Variants in NRG3 observed in about 807,000 individuals in gnomAD.
The protein encoded by NRG3 is pro-neuregulin-3, membrane-bound isoform.
A neutral mutation model predicts 66.9 loss-of-function variants in NRG3; 31 were observed. The observed-to-expected ratio is 0.46, with a 90% CI of 0.35 to 0.63. The LOEUF (loss-of-function observed/expected upper bound fraction) is 0.63. Ranked by LOEUF, NRG3 falls within the 20% of genes least tolerant of loss-of-function variation. The pLI is 0.00. For missense variants in NRG3, 910 were observed against 878.9 expected, an observed-to-expected ratio of 1.04 and a Z score of -0.45; for synonymous variants, 393 against 359.4, an observed-to-expected ratio of 1.09 and a Z score of -1.06.
At chr10:82,818,299 G>C (rs995899749) in intron 3 of NRG3, among the ~76,000 whole-genome samples, 5 of 152,082 alleles carry the variant, frequency 3.3e-5, no homozygotes, top group Non-Finnish European at 5.9e-5. Flanking sequence ...GCCACTTGCT[G>C]GTTCTGGCCA....
At chr10:82,145,349 C>T (rs772973832) in intron 1 of NRG3, among the ~76,000 whole-genome samples, 3 of 152,152 alleles carry the variant, frequency 2.0e-5, no homozygotes, top group Non-Finnish European at 4.4e-5. Context: ...GATCAACTAG[C>T]AGTAAGTCCC....
chr10:82,169,482 G>A (rs2072383948), intron 1 of NRG3, among the ~76,000 whole-genome samples: 1 of 151,180 alleles, frequency 6.6e-6, no homozygotes, highest in Admixed American at 6.6e-5. Context: ...TTCTAAAAAT[G>A]TTCTTGTGTT....
chr10:82,323,345 A>G (rs2081678150), intron 1 of NRG3, among the ~76,000 whole-genome samples: 1 of 152,206 alleles, frequency 6.6e-6, no homozygotes, highest in Non-Finnish European at 1.5e-5. Context: ...TGGGACCTCA[A>G]TAGTGTCAGC....
intron 2 of NRG3, among the ~76,000 whole-genome samples, chr10:82,520,206 C>T (rs1379872139): frequency 1.3e-5 from 2 of 149,818 alleles, no homozygotes; most frequent in South Asian, 4.3e-4. Context: ...AATGTTATTT[C>T]AGTGTATGGA....
chr10:82,068,590 A>G (rs1332974455), intron 1 of NRG3, among the ~76,000 whole-genome samples: 2 of 152,208 alleles, frequency 1.3e-5, no homozygotes, highest in Non-Finnish European at 1.5e-5. Flanking sequence ...GAACACATAA[A>G]TAGGGGTTTC....
chr10:82,584,463 C>T (rs775716303), intron 2 of NRG3, among the ~76,000 whole-genome samples: 15 of 152,284 alleles, frequency 9.9e-5, no homozygotes, highest in East Asian at 3.9e-4. Flanking sequence ...GAAAAGCTAA[C>T]GCTAAATTCT....
rs575885916 is a variant in NRG3, at chr10:82,596,622, A to T, written c.954-141955A>T. Among the ~76,000 whole-genome samples the T allele has an allele frequency of 2.0e-4, 31 of 152,262 alleles. 1 individual carries two copies. The highest frequency in any genetic ancestry group is 2.1e-4 in the South Asian group (1 of 4,824). ...GCTTAATCAACTATAGGCCACACAG[A>T]ACAACAACAAAAAAGGGGCTTTAGC... On this transcript the variant is annotated intron_variant, in intron 2 of 8. Coordinates refer to ENST00000372141, the MANE Select transcript of NRG3 (RefSeq NM_001010848.4).
rs142875015 is a variant in NRG3, at chr10:82,943,858, C to T, written c.1055-7611C>T. ...AGAAAGATGAAAAACCAGAATTTAT[C>T]GAATTACTATGTGCTATATGCTTAA... On this transcript the variant is annotated intron_variant, in intron 4 of 8. Transcript: ENST00000372141. Among the ~76,000 whole-genome samples the T allele has an allele frequency of 1.0e-3, 159 of 152,210 alleles. 1 individual carries two copies. Among genetic ancestry groups the T allele is most frequent in the African/African-American group, 3.5e-3 (146 of 41,546 alleles).
chr10:82,277,532 G>A (rs1348419111), intron 1 of NRG3, among the ~76,000 whole-genome samples: 1 of 152,008 alleles, frequency 6.6e-6, no homozygotes, highest in Non-Finnish European at 1.5e-5. Context: ...TTCTCAATAA[G>A]GGAATATGGT....
intron 3 of NRG3, among the ~76,000 whole-genome samples, chr10:82,865,159 A>G (rs1308958064): frequency 6.6e-6 from 1 of 152,168 alleles, no homozygotes; most frequent in East Asian, 1.9e-4. Flanking sequence ...TTCATGATGT[A>G]TGCAATATTA....
intron 3 of NRG3, among the ~76,000 whole-genome samples, chr10:82,812,133 T>A (rs1406358773): frequency 6.6e-6 from 1 of 152,198 alleles, no homozygotes; most frequent in Non-Finnish European, 1.5e-5. Context: ...TATATAATTA[T>A]GTGGAGATCT....
chr10:81,965,327 G>C (rs894864769), intron 1 of NRG3, among the ~76,000 whole-genome samples: 1 of 152,214 alleles, frequency 6.6e-6, no homozygotes, highest in Non-Finnish European at 1.5e-5. Flanking sequence ...TGGGGACTTA[G>C]ACAAATTCTT....
intron 2 of NRG3, among the ~76,000 whole-genome samples, chr10:82,674,998 C>T (rs1385488385): frequency 1.3e-5 from 2 of 151,272 alleles, no homozygotes; most frequent in African/African-American, 2.4e-5. Flanking sequence ...CTCACTGTGT[C>T]GCCCAGGCTG....
chr10:81,914,769 C>CAAAAAAA (rs58460918), intron 1 of NRG3, among the ~76,000 whole-genome samples: 80 of 66,866 alleles, frequency 1.2e-3, no homozygotes, highest in Non-Finnish European at 1.6e-3. Context: ...AAACAGAAAG[C>CAAAAAAA]AAAAAAAAAA....
chr10:82,369,697 A>G (rs2084763817), intron 2 of NRG3, among the ~76,000 whole-genome samples: 1 of 139,030 alleles, frequency 7.2e-6, no homozygotes, highest in Non-Finnish European at 1.5e-5. Flanking sequence ...TATGACATAT[A>G]CTTGACCTAA....
At chr10:82,734,989 AGAGT>A (rs1295160932) in intron 2 of NRG3, among the ~76,000 whole-genome samples, 1 of 148,294 alleles carries the variant, frequency 6.7e-6, no homozygotes, top group Non-Finnish European at 1.5e-5. Context: ...CCTGGACAAC[AGAGT>A]AAGACTCTGC....
At chr10:82,881,793 C>T (rs980245233) in intron 4 of NRG3, among the ~76,000 whole-genome samples, 1 of 152,106 alleles carries the variant, frequency 6.6e-6, no homozygotes, top group African/African-American at 2.4e-5. Context: ...ATGTAACACC[C>T]CACATATGCA....
At chr10:82,875,830 TA>T (rs1841771194) in intron 4 of NRG3, among the ~76,000 whole-genome samples, 2 of 152,248 alleles carry the variant, frequency 1.3e-5, no homozygotes, top group African/African-American at 4.8e-5. Context: ...TATTTTGGCT[TA>T]ATTATTAAGA....
chr10:82,820,105 T>C (rs2061883512), intron 3 of NRG3, among the ~76,000 whole-genome samples: 1 of 152,100 alleles, frequency 6.6e-6, no homozygotes, highest in Non-Finnish European at 1.5e-5. Flanking sequence ...CAACTAAAAA[T>C]GAGGAGAGGT....
Sources: gnomAD v4.1 joint callset for allele counts (sites outside exome capture counted in the v4.1 genomes callset) on GRCh38, gnomAD v4.1.1 for gene constraint, MANE v1.5 for transcripts, NCBI Gene and HGNC (gene_info 2026-07-23, HGNC 2026-07-21) for gene names.